Variants in UBA6 observed in about 807,000 individuals in gnomAD.
UBA6 encodes the protein ubiquitin-like modifier-activating enzyme 6.
In UBA6, 87 loss-of-function variants were observed where a neutral mutation model predicts 148.3. That is an observed-to-expected ratio of 0.59 (90% CI 0.49 to 0.70). The LOEUF is 0.70. Among genes scored for constraint, UBA6 ranks in the 30% least tolerant of loss-of-function variants. The probability of loss-of-function intolerance (pLI) is 0.00; values close to 1 mark genes in which losing one functional copy is unlikely to be tolerated. For synonymous variants in UBA6, 376 were observed against 401.0 expected (o/e 0.94, Z 0.75); for missense variants, 1,186 against 1,241.2 (o/e 0.96, Z 0.67).
At chr4:67,634,601 G>A (rs1234443497) in intron 20 of UBA6, 83 bp from the exon 21 acceptor site, 4 of 971,068 alleles carry the variant, frequency 4.1e-6, no homozygotes, top group East Asian at 5.5e-5. Context: ...TGAGCTTTAA[G>A]CCTATTAAAA....
intron 2 of UBA6, among the ~76,000 whole-genome samples, chr4:67,690,144 G>A (rs1179271107): frequency 6.6e-6 from 1 of 151,994 alleles, no homozygotes; most frequent in East Asian, 1.9e-4. Context: ...GGTATAAACT[G>A]CAATTACCTA....
intron 8 of UBA6, 50 bp from the exon 9 acceptor site, chr4:67,668,724 T>G: frequency 6.6e-7 from 1 of 1,516,662 alleles, no homozygotes; most frequent in Non-Finnish European, 8.9e-7. Context: ...TTGTATTCTT[T>G]GTGTACAAAT....
At chr4:67,637,881 T>A (rs1729203424) in intron 19 of UBA6, among the ~76,000 whole-genome samples, 1 of 151,538 alleles carries the variant, frequency 6.6e-6, no homozygotes, top group Non-Finnish European at 1.5e-5. Context: ...CCTCCACTAT[T>A]GTCCTATGAC....
In UBA6 at chr4:67,634,534, T is replaced by C. The variant is rs1729089917; in HGVS notation, c.1843-16A>G. ...GGGGATCCCGCTAATTTATAAAATA[T>C]GACAACAGGTACTTAAGGGGAAGCA... On this transcript the variant is annotated splice_polypyrimidine_tract_variant and intron_variant, in intron 20 of 32. Transcript: ENST00000322244. 6.5e-7 allele frequency: 1 copy of C among 1,536,010 alleles called. No individual in the cohort carries two copies. Among genetic ancestry groups the C allele is most frequent in the Non-Finnish European group, 8.7e-7 (1 of 1,146,156 alleles).
intron 21 of UBA6, 27 bp from the exon 22 acceptor site, chr4:67,634,349 T>A (rs762227549): frequency 5.2e-6 from 8 of 1,543,896 alleles, no homozygotes; most frequent in African/African-American, 1.4e-5. Flanking sequence ...AAAAAAAAAA[T>A]TACAAATAGA....
chr4:67,683,355 G>A (rs1730485623), intron 2 of UBA6, among the ~76,000 whole-genome samples: 3 of 152,018 alleles, frequency 2.0e-5, no homozygotes, highest in Admixed American at 1.3e-4. Context: ...TTTATGAGAT[G>A]GACTTATACT....
Position 67,614,798 on chromosome 4 carries a change from G to A in UBA6, c.*4199C>T, listed in dbSNP as rs1244933063. 6.6e-6 allele frequency: 1 copy of A among 152,110 alleles called. No homozygotes were observed. The highest frequency in any genetic ancestry group is 1.5e-5 in the Non-Finnish European group (1 of 68,016). 9.4% of individuals were successfully genotyped at this position (152,110 alleles called of 1,614,324 possible). ...AGCCACAAATTGGGAGAAGATATTG[G>A]CAACTATACAGCCAACAAAGAATAA... On this transcript the variant is annotated 3_prime_UTR_variant, in exon 33 of 33. Transcript: ENST00000322244.
chr4:67,637,305 G>A (rs1287669811), intron 19 of UBA6, among the ~76,000 whole-genome samples: 41 of 148,726 alleles, frequency 2.8e-4, no homozygotes, highest in South Asian at 2.1e-3. Flanking sequence ...CGCCCCGTCC[G>A]GGAGGGAGGT....
intron 6 of UBA6, among the ~76,000 whole-genome samples, chr4:67,674,235 C>T (rs1369018199): frequency 6.6e-6 from 1 of 152,130 alleles, no homozygotes; most frequent in Non-Finnish European, 1.5e-5. Flanking sequence ...ATCTAGCTTG[C>T]AATATGGTTT....
At chr4:67,642,805 T>C (rs1295653160) in intron 17 of UBA6, among the ~76,000 whole-genome samples, 1 of 152,022 alleles carries the variant, frequency 6.6e-6, no homozygotes, top group Non-Finnish European at 1.5e-5. Context: ...ACTTTTGTCA[T>C]TATCTTTGGA....
intron 18 of UBA6, 137 bp from the exon 19 acceptor site, chr4:67,639,261 GT>G (rs760777047): frequency 5.0e-6 from 3 of 603,010 alleles, no homozygotes; most frequent in Non-Finnish European, 8.0e-6. Flanking sequence ...AATGAGACCA[GT>G]TTTCATTTTT....
At chr4:67,671,838 G>A (rs191047772) in intron 7 of UBA6, among the ~76,000 whole-genome samples, 100 of 152,214 alleles carry the variant, frequency 6.6e-4, no homozygotes, top group African/African-American at 2.3e-3. Context: ...GAAGAACTGT[G>A]ATTTTTCCCA....
chr4:67,685,635 T>C lies in UBA6; in HGVS notation c.135-3422A>G, dbSNP rs6851421. 5.0e-3 allele frequency among the ~76,000 whole-genome samples: 758 copies of C among 152,278 alleles called. 9 individuals are homozygous for C. The highest frequency in any genetic ancestry group is 0.017 in the African/African-American group (712 of 41,548). ...TGTTGGAAACTTAAACCCCGTTACGTAGGACCTAATGGGAGGTGTTGCCTA... is the reference window on the plus strand; with the variant it reads ...TGTTGGAAACTTAAACCCCGTTACGCAGGACCTAATGGGAGGTGTTGCCTA... On this transcript the variant is annotated intron_variant, in intron 2 of 32. Transcript: ENST00000322244.
intron 1 of UBA6, among the ~76,000 whole-genome samples, chr4:67,698,717 T>TG (rs1362789587): frequency 6.6e-6 from 1 of 152,196 alleles, no homozygotes; most frequent in African/African-American, 2.4e-5. Context: ...CCCAGCACTT[T>TG]GGGAGGCCAA....
intron 2 of UBA6, among the ~76,000 whole-genome samples, chr4:67,693,799 A>T (rs766313421): frequency 2.0e-4 from 30 of 152,126 alleles, no homozygotes; most frequent in Non-Finnish European, 4.4e-5. Context: ...GATGAAATCT[A>T]TCTCCCTGAG....
chr4:67,690,675 C>A (rs1428447843), intron 2 of UBA6, among the ~76,000 whole-genome samples: 1 of 152,042 alleles, frequency 6.6e-6, no homozygotes, highest in African/African-American at 2.4e-5. Flanking sequence ...ACATAGCCAA[C>A]AAGTATATGA....
chr4:67,623,129 T>G lies in UBA6; in HGVS notation c.2928+6A>C. 13 of 1,603,062 alleles carry G rather than the reference T, an allele frequency of 8.1e-6. No individual in the cohort carries two copies. Among genetic ancestry groups the G allele is most frequent in the Non-Finnish European group, 1.1e-5 (13 of 1,172,154 alleles). ...CTAATGAACTAAATGAACAAAAGTA[T>G]CTCACTTTGACTGCATTTATGAAAT... On this transcript the variant is annotated splice_donor_region_variant and intron_variant, in intron 31 of 32. Transcript: ENST00000322244.
chr4:67,644,309 C>A (rs1007877523), intron 17 of UBA6, among the ~76,000 whole-genome samples: 1 of 152,066 alleles, frequency 6.6e-6, no homozygotes, highest in Non-Finnish European at 1.5e-5. Context: ...GAGTCCTCTG[C>A]AACTTTGTAA....
chr4:67,649,285 T>C (rs1342618538), intron 13 of UBA6, 74 bp from the exon 14 acceptor site: 4 of 1,369,000 alleles, frequency 2.9e-6, no homozygotes, highest in East Asian at 2.4e-5. Context: ...AATGACTAAA[T>C]GTGAGAATTA....
Sources: allele counts gnomAD v4.1 joint callset (sites outside exome capture counted in the v4.1 genomes callset), GRCh38; gene constraint gnomAD v4.1.1; transcripts MANE v1.5; gene names NCBI Gene and HGNC (gene_info 2026-07-23, HGNC 2026-07-21).